The following CELF2 variants were observed in gnomAD, a reference collection of about 807,000 sequenced individuals.
CELF2 encodes the protein CUG triplet repeat RNA-binding protein 2.
A neutral mutation model predicts 62.6 loss-of-function variants in CELF2; 8 were observed. The ratio of observed to expected loss-of-function variants is 0.13; its 90% CI spans 0.07 to 0.23. The LOEUF (loss-of-function observed/expected upper bound fraction) is 0.23. Ranked by LOEUF, CELF2 falls within the 10% of genes least tolerant of loss-of-function variation. The pLI, the probability that CELF2 is intolerant of heterozygous loss-of-function variation, is 1.00. For missense variants in CELF2, 333 were observed against 671.0 expected (o/e 0.50, Z 5.56); for synonymous variants, 258 against 250.0 (o/e 1.03, Z -0.30).
chr10:11,018,013 C>G lies in CELF2; in HGVS notation c.-77C>G. 1 of 1,058,728 alleles carries G rather than the reference C, an allele frequency of 9.4e-7. No homozygotes were observed. Among genetic ancestry groups the G allele is most frequent in the Non-Finnish European group, 1.1e-6 (1 of 880,970 alleles). 65.6% of individuals were successfully genotyped at this position (1,058,728 alleles called of 1,614,324 possible). On this transcript the variant is annotated 5_prime_UTR_variant, in exon 1 of 13. Coordinates refer to ENST00000633077, the MANE Select transcript of CELF2 (RefSeq NM_001326342.2). ...GGAGGCCGCGCGCACCTGTCCCTGC[C>G]CGTCTCGCGCCGCCCGCGGCCGCTC...
chr10:11,100,120 C>A (rs1056780473), intron 1 of CELF2, among the ~76,000 whole-genome samples: 1 of 152,072 alleles, frequency 6.6e-6, no homozygotes, highest in Admixed American at 6.5e-5. Flanking sequence ...AGAAGAATCA[C>A]TTGGACCCAG....
the CELF2 span, among the ~76,000 whole-genome samples, chr10:10,632,756 G>A: frequency 6.6e-6 from 1 of 152,240 alleles, no homozygotes; most frequent in African/African-American, 2.4e-5. Context: ...TAGAAAGGTA[G>A]GTCCTCTTCT....
chr10:11,083,577 A>T (rs1232618453), intron 1 of CELF2, among the ~76,000 whole-genome samples: 1 of 152,206 alleles, frequency 6.6e-6, no homozygotes, highest in Non-Finnish European at 1.5e-5. Context: ...CTAGAACCTC[A>T]GTTCAGCCCT....
chr10:10,978,912 A>G (rs1279860447), intron 2 of CELF2, among the ~76,000 whole-genome samples: 2 of 152,204 alleles, frequency 1.3e-5, no homozygotes, highest in Non-Finnish European at 2.9e-5. Context: ...TTTGGAAGTT[A>G]ATAGCTAGAG....
At chr10:10,837,050 C>T (rs994169969) in intron 1 of CELF2, among the ~76,000 whole-genome samples, 9 of 152,166 alleles carry the variant, frequency 5.9e-5, no homozygotes, top group Non-Finnish European at 8.8e-5. Context: ...ACCAGGAATT[C>T]CCTGCTCACT....
intron 1 of CELF2, among the ~76,000 whole-genome samples, chr10:10,884,430 A>G (rs1308823370): frequency 6.6e-6 from 1 of 152,226 alleles, no homozygotes; most frequent in Non-Finnish European, 1.5e-5. Flanking sequence ...CTGCTTTTAA[A>G]TGTCAAAGGT....
chr10:10,589,460 G>A, the CELF2 span, among the ~76,000 whole-genome samples: 1 of 152,318 alleles, frequency 6.6e-6, no homozygotes, highest in East Asian at 1.9e-4. Context: ...GTTAACTTTG[G>A]AATGCCCTGG....
chr10:11,170,485 G>T (rs915753262), intron 2 of CELF2, among the ~76,000 whole-genome samples: 2 of 152,198 alleles, frequency 1.3e-5, no homozygotes, highest in Non-Finnish European at 2.9e-5. Flanking sequence ...ATCTGGAGTG[G>T]GCCCTGATGG....
chr10:11,194,419 A>G (rs1402438453), intron 2 of CELF2, among the ~76,000 whole-genome samples: 3 of 152,192 alleles, frequency 2.0e-5, no homozygotes, highest in African/African-American at 7.2e-5. Flanking sequence ...AGAAAATTCA[A>G]AATTTTTAAA....
chr10:10,591,523 T>C, the CELF2 span, among the ~76,000 whole-genome samples: 2 of 152,080 alleles, frequency 1.3e-5, no homozygotes, highest in Non-Finnish European at 2.9e-5. Flanking sequence ...AAAGGTAACG[T>C]TTATTCTTTT....
At chr10:10,524,796 T>A in the CELF2 span, among the ~76,000 whole-genome samples, 74 of 152,112 alleles carry the variant, frequency 4.9e-4, no homozygotes, top group African/African-American at 1.6e-3. Flanking sequence ...ATGAAATGAG[T>A]TTTTGTTTAG....
At chr10:10,478,155 G>A in the CELF2 span, among the ~76,000 whole-genome samples, 1 of 152,248 alleles carries the variant, frequency 6.6e-6, no homozygotes, top group Admixed American at 6.5e-5. Flanking sequence ...ATTAGGTTAT[G>A]TGGCACAAAA....
chr10:10,529,271 C>T, the CELF2 span, among the ~76,000 whole-genome samples: 4 of 152,140 alleles, frequency 2.6e-5, no homozygotes, highest in South Asian at 2.1e-4. Context: ...GGCTAATAAA[C>T]TCTTAAGCAG....
chr10:10,634,353 T>C, the CELF2 span, among the ~76,000 whole-genome samples: 3 of 152,154 alleles, frequency 2.0e-5, no homozygotes, highest in Non-Finnish European at 4.4e-5. Context: ...CACACCTTTA[T>C]ACTAATTGTC....
At position 11,120,257 on chromosome 10, in the gene CELF2, G is replaced by A. The variant is rs566189493; in HGVS notation, c.75-45229G>A. 7.9e-4 allele frequency among the ~76,000 whole-genome samples: 121 copies of A among 152,254 alleles called. 1 individual carries two copies. The highest frequency in any genetic ancestry group is 3.4e-3 in the Middle Eastern group (1 of 294). Reference sequence around the variant, plus strand: ...ATTTACACATCGGTGCAGAAAAGGAGACCCTACTTAATAGTCCCAAGGAGC... The same window carrying A: ...ATTTACACATCGGTGCAGAAAAGGAAACCCTACTTAATAGTCCCAAGGAGC... On this transcript the variant is annotated intron_variant, in intron 1 of 12. Coordinates refer to ENST00000633077, the MANE Select transcript of CELF2 (RefSeq NM_001326342.2).
chr10:10,605,164 T>G, the CELF2 span, among the ~76,000 whole-genome samples: 1 of 151,898 alleles, frequency 6.6e-6, no homozygotes, highest in Non-Finnish European at 1.5e-5. Flanking sequence ...AGCAAACTGA[T>G]GCAGGAAAAG....
the CELF2 span, among the ~76,000 whole-genome samples, chr10:10,733,450 C>T: frequency 2.0e-5 from 3 of 151,694 alleles, no homozygotes; most frequent in Admixed American, 6.6e-5. Flanking sequence ...AAAAAAAGTG[C>T]AGAGGAAACA....
intron 1 of CELF2, among the ~76,000 whole-genome samples, chr10:11,055,274 C>T (rs958641721): frequency 6.6e-6 from 1 of 152,162 alleles, no homozygotes; most frequent in Non-Finnish European, 1.5e-5. Flanking sequence ...GTAGACTATA[C>T]CTTTGTAGAA....
At chr10:10,603,096 T>TG in the CELF2 span, among the ~76,000 whole-genome samples, 42,837 of 151,928 alleles carry the variant, frequency 0.28, 6,394 homozygotes, top group South Asian at 0.51. Flanking sequence ...CAAATCACAC[T>TG]CAACCATAAA....
Sources: allele counts gnomAD v4.1 joint callset (sites outside exome capture counted in the v4.1 genomes callset), GRCh38; gene constraint gnomAD v4.1.1; transcripts MANE v1.5; gene names NCBI Gene and HGNC (gene_info 2026-07-23, HGNC 2026-07-21).